The following HTR4 variants were observed in gnomAD, a reference collection of about 807,000 sequenced individuals.
HTR4 encodes the protein 5-hydroxytryptamine receptor 4, also known as 5-hydroxytryptamine (serotonin) receptor 4, G protein-coupled.
A neutral mutation model predicts 36.8 loss-of-function variants in HTR4; 16 were observed. The ratio of observed to expected loss-of-function variants is 0.43; its 90% CI spans 0.29 to 0.66. HTR4 has a LOEUF of 0.66. Ranked by LOEUF, HTR4 falls within the 30% of genes least tolerant of loss-of-function variation. The pLI is 0.13. For missense variants in HTR4, 438 were observed against 490.9 expected (o/e 0.89, Z 1.02); for synonymous variants, 189 against 185.1 (o/e 1.02, Z -0.17).
chr5:148,559,638 G>A (rs975121648), intron 2 of HTR4, among the ~76,000 whole-genome samples: 2 of 152,000 alleles, frequency 1.3e-5, no homozygotes, highest in Non-Finnish European at 2.9e-5. Flanking sequence ...ATAAAACTCC[G>A]ATGGACAATC....
In HTR4 at chr5:148,523,182, T is replaced by G. The variant is rs1758104941; in HGVS notation, c.507+11A>C. Reference sequence around the variant, plus strand: ...AGACAGTAAACCAGTGAGGTCTGTGTGGATACTCACCAAATCAATTATGCC... The same window carrying G: ...AGACAGTAAACCAGTGAGGTCTGTGGGGATACTCACCAAATCAATTATGCC... On this transcript the variant is annotated intron_variant, in intron 5 of 6. Coordinates refer to ENST00000377888, the MANE Select transcript of HTR4 (RefSeq NM_000870.7). The G allele has an allele frequency of 6.2e-7, 1 of 1,611,684 alleles. No individual in the cohort carries two copies. Among genetic ancestry groups the G allele is most frequent in the Admixed American group, 1.7e-5 (1 of 59,860 alleles).
intron 1 of HTR4, among the ~76,000 whole-genome samples, chr5:148,639,641 A>ATATATATG (rs1753664035): frequency 6.8e-6 from 1 of 146,618 alleles, no homozygotes; most frequent in Non-Finnish European, 1.5e-5. Flanking sequence ...ATATATATAT[A>ATATATATG]TATAGTCAAT....
intron 4 of HTR4, among the ~76,000 whole-genome samples, chr5:148,542,055 T>C (rs1333155607): frequency 6.6e-6 from 1 of 152,188 alleles, no homozygotes; most frequent in Non-Finnish European, 1.5e-5. Context: ...AAAAGTTCCA[T>C]GATTCAGAGT....
Position 148,482,300 on chromosome 5 carries a change from C to T in HTR4, c.*903G>A, listed in dbSNP as rs199861666. The T allele has an allele frequency of 6.9e-5, 68 of 985,348 alleles. No homozygotes were observed. The highest frequency in any genetic ancestry group is 5.2e-4 in the Middle Eastern group (1 of 1,936). 61.0% of individuals were successfully genotyped at this position (985,348 alleles called of 1,614,324 possible). ...GGGTTTCAAAATGATATCACAAGTT[C>T]ATGGGAAAGATCCTGAAGCCTAATA... On this transcript the variant is annotated 3_prime_UTR_variant, in exon 7 of 7. Transcript: ENST00000377888.
At chr5:148,532,832 C>T (rs1187329382) in intron 4 of HTR4, among the ~76,000 whole-genome samples, 3 of 152,190 alleles carry the variant, frequency 2.0e-5, no homozygotes, top group African/African-American at 7.2e-5. Context: ...CTGTCAGAAT[C>T]ACTTAAAGGA....
intron 2 of HTR4, among the ~76,000 whole-genome samples, chr5:148,609,115 G>A (rs11955434): frequency 0.32 from 49,310 of 152,020 alleles, 8,212 homozygotes; most frequent in South Asian, 0.4. Flanking sequence ...TGATAGGAGT[G>A]GGGACCCCCT....
chr5:148,467,984 C>A (rs975362620), intron 5 of HTR4, among the ~76,000 whole-genome samples: 21 of 152,330 alleles, frequency 1.4e-4, no homozygotes, highest in Middle Eastern at 3.4e-3. Flanking sequence ...TTTAAATGAC[C>A]ATGGCACAGC....
intron 4 of HTR4, among the ~76,000 whole-genome samples, chr5:148,536,943 C>G (rs1229069461): frequency 6.6e-6 from 1 of 152,160 alleles, no homozygotes; most frequent in Admixed American, 6.5e-5. Flanking sequence ...ACATTCTTCT[C>G]ATCACCACAT....
chr5:148,599,368 A>G (rs945305202), intron 2 of HTR4, among the ~76,000 whole-genome samples: 1 of 152,190 alleles, frequency 6.6e-6, no homozygotes, highest in Non-Finnish European at 1.5e-5. Context: ...ATGTAAATAG[A>G]AAATTTTAAA....
chr5:148,512,177 G>A (rs796475590), intron 5 of HTR4, among the ~76,000 whole-genome samples: 62 of 152,258 alleles, frequency 4.1e-4, no homozygotes, highest in African/African-American at 1.4e-3. Flanking sequence ...ATCTGAGTAA[G>A]TCACCTCAAA....
At chr5:148,615,447 G>GC (rs1752624547) in intron 2 of HTR4, among the ~76,000 whole-genome samples, 1 of 146,128 alleles carries the variant, frequency 6.8e-6, no homozygotes, top group Non-Finnish European at 1.5e-5. Context: ...ACCAAACACT[G>GC]CATATTCTCA....
intron 4 of HTR4, among the ~76,000 whole-genome samples, chr5:148,532,526 T>C (rs780683872): frequency 1.3e-5 from 2 of 152,146 alleles, no homozygotes; most frequent in Non-Finnish European, 2.9e-5. Flanking sequence ...AGCAGAGGGA[T>C]GGGGAAAGGC....
chr5:148,520,496 T>C (rs756931081), intron 5 of HTR4, among the ~76,000 whole-genome samples: 2 of 152,150 alleles, frequency 1.3e-5, no homozygotes, highest in Admixed American at 6.6e-5. Context: ...AAGTTTAGCA[T>C]ATAAATTAAG....
At chr5:148,546,926 A>G (rs760032724) in intron 4 of HTR4, among the ~76,000 whole-genome samples, 1 of 152,238 alleles carries the variant, frequency 6.6e-6, no homozygotes, top group Non-Finnish European at 1.5e-5. Flanking sequence ...TAAACAAGCT[A>G]ATAAACACAA....
chr5:148,578,530 A>G (rs1242003509), intron 2 of HTR4, among the ~76,000 whole-genome samples: 1 of 152,060 alleles, frequency 6.6e-6, no homozygotes, highest in South Asian at 2.1e-4. Flanking sequence ...AACCATATAA[A>G]TGCACTTCCC....
At chr5:148,609,890 AT>A (rs891726066) in intron 2 of HTR4, among the ~76,000 whole-genome samples, 38 of 151,242 alleles carry the variant, frequency 2.5e-4, no homozygotes, top group African/African-American at 5.8e-4. Flanking sequence ...CCCAGCTGGT[AT>A]TTTTTTTTAA....
intron 5 of HTR4, among the ~76,000 whole-genome samples, chr5:148,466,875 GA>G (rs1476382372): frequency 6.6e-6 from 1 of 152,128 alleles, no homozygotes; most frequent in Non-Finnish European, 1.5e-5. Context: ...TTAGCCTGAT[GA>G]TATGCCTTGG....
chr5:148,558,754 T>G (rs1034632233), intron 2 of HTR4, among the ~76,000 whole-genome samples: 2 of 152,214 alleles, frequency 1.3e-5, no homozygotes, highest in African/African-American at 4.8e-5. Flanking sequence ...TTTGTTGTAG[T>G]GAAGTTGAAG....
intron 1 of HTR4, among the ~76,000 whole-genome samples, chr5:148,640,793 G>C (rs114396967): frequency 9.3e-4 from 141 of 152,250 alleles, no homozygotes; most frequent in African/African-American, 3.1e-3. Flanking sequence ...GGCAGTTTCA[G>C]CTTTAAAAGC....
Sources: allele counts gnomAD v4.1 joint callset (sites outside exome capture counted in the v4.1 genomes callset), GRCh38; gene constraint gnomAD v4.1.1; transcripts MANE v1.5; gene names NCBI Gene and HGNC (gene_info 2026-07-23, HGNC 2026-07-21).